The following ZCWPW2 variants were observed in gnomAD, a reference collection of about 807,000 sequenced individuals.
ZCWPW2 encodes zinc finger CW-type and PWWP domain containing 2.
In ZCWPW2, 45 loss-of-function variants were observed where a neutral mutation model predicts 46.6. The ratio of observed to expected loss-of-function variants is 0.96; its 90% CI spans 0.76 to 1.24. The LOEUF (loss-of-function observed/expected upper bound fraction) is 1.24. Among genes scored for constraint, ZCWPW2 ranks in the 50% most tolerant of loss-of-function variants. The pLI is 0.00. For missense variants in ZCWPW2, 429 were observed against 403.9 expected, an observed-to-expected ratio of 1.06 and a Z score of -0.53; for synonymous variants, 152 against 137.1, an observed-to-expected ratio of 1.11 and a Z score of -0.76.
At chr3:28,512,671 A>C (rs1204451991) in intron 6 of ZCWPW2, among the ~76,000 whole-genome samples, 1 of 152,160 alleles carries the variant, frequency 6.6e-6, no homozygotes, top group Admixed American at 6.6e-5. Flanking sequence ...GATCTCATCA[A>C]ATCTACCTTC....
chr3:28,414,273 A>T (rs1696544003), intron 3 of ZCWPW2, among the ~76,000 whole-genome samples: 3 of 149,468 alleles, frequency 2.0e-5, no homozygotes. Flanking sequence ...CTTCTAGTTT[A>T]GTCTTTCTTG....
chr3:28,412,944 G>C (rs1015414387), intron 2 of ZCWPW2, 112 bp from the exon 3 acceptor site: 2 of 744,362 alleles, frequency 2.7e-6, no homozygotes, highest in Non-Finnish European at 4.2e-6. Flanking sequence ...GGATAGAGAG[G>C]GGGTGGGCAT....
rs1343273482 is a variant in ZCWPW2, at chr3:28,365,578, C to T, written c.-134+16375C>T. ...TGGAGTATAGTTTGAAGTCAGGTAGCGTGATGCCTCCAGCTTTGTTCTTTT... is the reference window on the plus strand; with the variant it reads ...TGGAGTATAGTTTGAAGTCAGGTAGTGTGATGCCTCCAGCTTTGTTCTTTT... On this transcript the variant is annotated intron_variant, in intron 1 of 9. Transcript: ENST00000383768. Among the ~76,000 whole-genome samples, 55 of 140,668 alleles carry T rather than the reference C, an allele frequency of 3.9e-4. 10 individuals carry two copies. Among genetic ancestry groups the T allele is most frequent in the South Asian group, 6.9e-4 (3 of 4,328 alleles). The allele number at this position is 140,668 out of a possible 152,430, so 92.3% of individuals were successfully genotyped here.
chr3:28,401,831 C>G (rs1257002605), intron 2 of ZCWPW2, among the ~76,000 whole-genome samples: 1 of 151,226 alleles, frequency 6.6e-6, no homozygotes, highest in African/African-American at 2.4e-5. Flanking sequence ...ATCATTGGTT[C>G]AAAAATGAAA....
At chr3:28,384,675 C>A (rs1695209908) in intron 1 of ZCWPW2, among the ~76,000 whole-genome samples, 1 of 149,278 alleles carries the variant, frequency 6.7e-6, no homozygotes, top group Non-Finnish European at 1.5e-5. Flanking sequence ...TGCAGTGGGA[C>A]CATGTTGGCT....
intron 1 of ZCWPW2, among the ~76,000 whole-genome samples, chr3:28,375,181 T>A (rs1182834601): frequency 6.6e-6 from 1 of 152,000 alleles, no homozygotes; most frequent in Admixed American, 6.6e-5. Context: ...TTTGTTTGTT[T>A]GTTTCAAGTT....
intron 4 of ZCWPW2, among the ~76,000 whole-genome samples, chr3:28,453,367 G>C (rs553076204): frequency 6.6e-6 from 1 of 152,234 alleles, no homozygotes; most frequent in South Asian, 2.1e-4. Flanking sequence ...GAAGTTAAAA[G>C]TCCAAACTAA....
intron 1 of ZCWPW2, among the ~76,000 whole-genome samples, chr3:28,358,848 A>C (rs1471779466): frequency 2.0e-5 from 3 of 152,088 alleles, no homozygotes; most frequent in South Asian, 2.1e-4. Context: ...CCCCCCCAAC[A>C]ATCCTTTTTC....
chr3:28,476,994 C>T (rs1034809568), intron 4 of ZCWPW2, among the ~76,000 whole-genome samples: 1 of 152,122 alleles, frequency 6.6e-6, no homozygotes, highest in African/African-American at 2.4e-5. Flanking sequence ...AGTTCCTAAC[C>T]GGTCATGGAC....
chr3:28,363,655 C>A (rs993255638), intron 1 of ZCWPW2, among the ~76,000 whole-genome samples: 1 of 152,110 alleles, frequency 6.6e-6, no homozygotes, highest in African/African-American at 2.4e-5. Context: ...CTCTCACTCT[C>A]CATACCACTA....
chr3:28,448,568 T>C (rs771226974), intron 4 of ZCWPW2, among the ~76,000 whole-genome samples: 17 of 151,822 alleles, frequency 1.1e-4, no homozygotes, highest in Non-Finnish European at 1.9e-4. Flanking sequence ...ATGTAACACT[T>C]GGGGCCAGGA....
At chr3:28,375,739 A>T (rs1341388880) in intron 1 of ZCWPW2, among the ~76,000 whole-genome samples, 4 of 146,116 alleles carry the variant, frequency 2.7e-5, no homozygotes, top group South Asian at 2.2e-4. Flanking sequence ...CATTCTTTCT[A>T]TTTTTTTTTT....
chr3:28,464,317 AG>A (rs1258346333), intron 4 of ZCWPW2, among the ~76,000 whole-genome samples: 1 of 152,090 alleles, frequency 6.6e-6, no homozygotes, highest in East Asian at 1.9e-4. Flanking sequence ...GGGAAGAGCC[AG>A]GGGTCAGTTT....
intron 1 of ZCWPW2, 101 bp downstream of exon 1, chr3:28,349,304 C>T (rs1704435093): frequency 3.0e-5 from 22 of 730,118 alleles, no homozygotes; most frequent in Non-Finnish European, 3.7e-5. Context: ...GGGGGGTCCC[C>T]GGGCCGTGTG....
intron 1 of ZCWPW2, among the ~76,000 whole-genome samples, chr3:28,362,933 C>T (rs1329499657): frequency 6.6e-6 from 1 of 151,946 alleles, no homozygotes; most frequent in South Asian, 2.1e-4. Context: ...GAGCTGGAGG[C>T]CATTATCCTT....
chr3:28,460,467 A>T (rs1392897411), intron 4 of ZCWPW2, among the ~76,000 whole-genome samples: 1 of 152,160 alleles, frequency 6.6e-6, no homozygotes, highest in East Asian at 1.9e-4. Flanking sequence ...TAAGCTGTCT[A>T]AATAAACCAT....
chr3:28,431,537 C>T (rs1223681728), intron 3 of ZCWPW2, among the ~76,000 whole-genome samples: 1 of 152,098 alleles, frequency 6.6e-6, no homozygotes, highest in Non-Finnish European at 1.5e-5. Context: ...AGGGCCTACC[C>T]TAATGAACTC....
chr3:28,504,169 C>T (rs1700219341), intron 6 of ZCWPW2, among the ~76,000 whole-genome samples: 1 of 152,020 alleles, frequency 6.6e-6, no homozygotes. Flanking sequence ...TGCACTCCAG[C>T]CTGGGTGACG....
intron 2 of ZCWPW2, among the ~76,000 whole-genome samples, chr3:28,392,691 C>A (rs960126827): frequency 6.6e-6 from 1 of 151,736 alleles, no homozygotes; most frequent in East Asian, 1.9e-4. Flanking sequence ...GGTAATTAAA[C>A]AACATGTCCC....
Sources: allele counts gnomAD v4.1 joint callset (sites outside exome capture counted in the v4.1 genomes callset), GRCh38; gene constraint gnomAD v4.1.1; transcripts MANE v1.5; gene names NCBI Gene and HGNC (gene_info 2026-07-23, HGNC 2026-07-21).